NWD2: variants seen among roughly 807,000 people sequenced by gnomAD.
The protein encoded by NWD2 is NACHT and WD repeat domain-containing protein 2.
Under a neutral mutation model 132.7 loss-of-function variants are expected in NWD2, and 37 were observed. The ratio of observed to expected loss-of-function variants is 0.28; its 90% CI spans 0.21 to 0.37. The LOEUF is 0.37. Ranked by LOEUF, NWD2 falls within the 10% of genes least tolerant of loss-of-function variation. The pLI is 1.00. For synonymous variants in NWD2, 705 were observed against 803.0 expected, an observed-to-expected ratio of 0.88 and a Z score of 2.06; for missense variants, 1,592 against 2,122.4, an observed-to-expected ratio of 0.75 and a Z score of 4.91.
intron 1 of NWD2, among the ~76,000 whole-genome samples, chr4:37,275,614 G>T (rs528165434): frequency 6.6e-6 from 1 of 151,006 alleles, no homozygotes; most frequent in Admixed American, 6.6e-5. Context: ...AGCCCACATC[G>T]CCAAGTCAAT....
intron 4 of NWD2, among the ~76,000 whole-genome samples, chr4:37,431,735 C>T (rs573692673): frequency 6.6e-6 from 1 of 152,200 alleles, no homozygotes; most frequent in South Asian, 2.1e-4. Flanking sequence ...CATTGTGCAC[C>T]TTTAAAATTT....
chr4:37,266,405 A>G lies in NWD2; in HGVS notation c.151+21187A>G, dbSNP rs184402106. Among the ~76,000 whole-genome samples the G allele has an allele frequency of 3.3e-5, 5 of 152,166 alleles. No individual in the cohort carries two copies. In the East Asian group the frequency reaches 9.7e-4, roughly 29 times the overall value. On this transcript the variant is annotated intron_variant, in intron 1 of 6. Transcript: ENST00000309447. The stretch of plus-strand genomic sequence containing the variant: ...CAAGTTCTGTCAGATCAGCTCTTCT[A>G]ACTTTGGCAGTAGTCGATGTAGCTA...
At chr4:37,310,721 G>T (rs901069869) in intron 1 of NWD2, among the ~76,000 whole-genome samples, 2 of 150,644 alleles carry the variant, frequency 1.3e-5, no homozygotes, top group Non-Finnish European at 1.5e-5. Flanking sequence ...CCATGCTGGT[G>T]TGCTGCACCC....
chr4:37,408,236 G>A (rs903335831), intron 3 of NWD2, among the ~76,000 whole-genome samples: 28 of 123,622 alleles, frequency 2.3e-4, no homozygotes, highest in Non-Finnish European at 2.2e-4. Context: ...GTCTGGCTCG[G>A]CAGGTCCCAC....
chr4:37,291,728 A>G (rs1218843338), intron 1 of NWD2, among the ~76,000 whole-genome samples: 4 of 152,252 alleles, frequency 2.6e-5, no homozygotes, highest in South Asian at 2.1e-4. Flanking sequence ...TTGTTTTGCT[A>G]TATCTGTGTA....
intron 3 of NWD2, among the ~76,000 whole-genome samples, chr4:37,397,892 G>A (rs923881029): frequency 6.6e-6 from 1 of 151,566 alleles, no homozygotes; most frequent in African/African-American, 2.4e-5. Context: ...CCATGCTATG[G>A]CTGTAGAAGG....
chr4:37,326,141 C>A (rs560942730), intron 2 of NWD2, 117 bp downstream of exon 2: 2 of 606,760 alleles, frequency 3.3e-6, no homozygotes, highest in South Asian at 2.2e-5. Context: ...AAATTTATTT[C>A]TTCAAGCATG....
At chr4:37,310,729 C>A (rs1457329354) in intron 1 of NWD2, among the ~76,000 whole-genome samples, 1 of 150,124 alleles carries the variant, frequency 6.7e-6, no homozygotes, top group African/African-American at 2.5e-5. Context: ...GTGTGCTGCA[C>A]CCATTAACTC....
intron 1 of NWD2, among the ~76,000 whole-genome samples, chr4:37,252,482 A>G (rs1041981586): frequency 6.6e-6 from 1 of 152,192 alleles, no homozygotes; most frequent in African/African-American, 2.4e-5. Context: ...ATCTATTGCT[A>G]TGTATCTACT....
chr4:37,399,470 T>C (rs1219805182), intron 3 of NWD2, among the ~76,000 whole-genome samples: 1 of 152,254 alleles, frequency 6.6e-6, no homozygotes, highest in Non-Finnish European at 1.5e-5. Context: ...TTAAAGTTAC[T>C]ACTTTTGAAT....
At chr4:37,261,473 C>A (rs1717634848) in intron 1 of NWD2, among the ~76,000 whole-genome samples, 1 of 152,050 alleles carries the variant, frequency 6.6e-6, no homozygotes, top group Non-Finnish European at 1.5e-5. Context: ...AGTTGTAAGC[C>A]ATAAAAGTAG....
intron 2 of NWD2, among the ~76,000 whole-genome samples, chr4:37,348,637 C>CATATATATATATATAT (rs370439742): frequency 3.8e-5 from 1 of 26,554 alleles, no homozygotes; most frequent in African/African-American, 1.7e-4. Context: ...GTGGTTAATT[C>CATATATATATATATAT]ATATATATAT....
chr4:37,330,295 GC>G (rs2109289812), intron 2 of NWD2, among the ~76,000 whole-genome samples: 1 of 152,210 alleles, frequency 6.6e-6, no homozygotes, highest in East Asian at 1.9e-4. Context: ...AGAACATCAA[GC>G]CCACTCAGCA....
chr4:37,434,588 A>G (rs192752905), intron 5 of NWD2, among the ~76,000 whole-genome samples: 4 of 152,310 alleles, frequency 2.6e-5, no homozygotes, highest in Non-Finnish European at 5.9e-5. Flanking sequence ...GTGGGGATCC[A>G]GATTTAGATG....
At chr4:37,376,155 A>G (rs927665483) in intron 3 of NWD2, among the ~76,000 whole-genome samples, 1 of 152,346 alleles carries the variant, frequency 6.6e-6, no homozygotes, top group South Asian at 2.1e-4. Flanking sequence ...ATGCAGAATT[A>G]CTAGGTCAAA....
In NWD2 at chr4:37,434,019, A is replaced by G; in HGVS notation, c.705A>G (p.Ser235=). Residue 235 remains serine, a splice_region_variant and synonymous_variant, in exon 5 of 7, where the codon TCA becomes TCG. Transcript: ENST00000309447. ...KHSQAKRYLF[S]AIEDEFDFAL... The stretch of plus-strand genomic sequence containing the variant: ...GCCAGGCTAAGAGGTACCTGTTCTC[A>G]GGTAATTTTCCCATACCTTCAGTAA... 6.5e-7 allele frequency: 1 copy of G among 1,541,574 alleles called. No individual in the cohort carries two copies. The highest frequency in any genetic ancestry group is 8.8e-7 in the Non-Finnish European group (1 of 1,142,208).
chr4:37,320,455 G>A (rs1029355860), intron 1 of NWD2, among the ~76,000 whole-genome samples: 1 of 152,174 alleles, frequency 6.6e-6, no homozygotes, highest in Admixed American at 6.6e-5. Flanking sequence ...GTGAGACAGG[G>A]ACAGATAACA....
chr4:37,286,851 G>A (rs189553962), intron 1 of NWD2, among the ~76,000 whole-genome samples: 6 of 149,854 alleles, frequency 4.0e-5, no homozygotes, highest in Admixed American at 4.0e-4. Context: ...TAATCACATT[G>A]AAAAAAAAAA....
At chr4:37,383,241 G>A (rs1466195121) in intron 3 of NWD2, among the ~76,000 whole-genome samples, 1 of 152,108 alleles carries the variant, frequency 6.6e-6, no homozygotes, top group East Asian at 1.9e-4. Flanking sequence ...GACTAGCCCT[G>A]TTTACTAAAT....
Sources: allele counts gnomAD v4.1 joint callset (sites outside exome capture counted in the v4.1 genomes callset), GRCh38; gene constraint gnomAD v4.1.1; transcripts MANE v1.5; gene names NCBI Gene and HGNC (gene_info 2026-07-23, HGNC 2026-07-21).